The following UBR3 variants were observed in gnomAD, a reference collection of about 807,000 sequenced individuals.
UBR3 encodes ubiquitin protein ligase E3 component n-recognin 3, also known as E3 ubiquitin-protein ligase UBR3.
A neutral mutation model predicts 243.2 loss-of-function variants in UBR3; 85 were observed. The observed-to-expected ratio is 0.35, with a 90% CI of 0.29 to 0.42. The LOEUF (loss-of-function observed/expected upper bound fraction) is 0.42. UBR3 is among the 10% of genes least tolerant of loss of function. The pLI, the probability that UBR3 is intolerant of heterozygous loss-of-function variation, is 1.00. For missense variants in UBR3, 1,686 were observed against 2,300.8 expected (o/e 0.73, Z 5.47); for synonymous variants, 748 against 799.8 (o/e 0.94, Z 1.09).
Position 169,912,882 on chromosome 2 carries a change from G to A in UBR3, c.1780-1178G>A, listed in dbSNP as rs571482962. On this transcript the variant is annotated intron_variant, in intron 10 of 38. Transcript: ENST00000272793. ...TGCATCCTTAAAATCCTGGGCTCAA[G>A]CAGCCCTTCCACCTCAGCCTCCCTC... Among the ~76,000 whole-genome samples, 3 of 152,066 alleles carry A rather than the reference G, an allele frequency of 2.0e-5. No homozygotes were observed. The East Asian group carries it at 5.8e-4, about 29-fold the overall frequency.
At chr2:169,841,440 G>A (rs1338838880) in intron 1 of UBR3, among the ~76,000 whole-genome samples, 5 of 152,178 alleles carry the variant, frequency 3.3e-5, no homozygotes, top group Non-Finnish European at 7.4e-5. Flanking sequence ...GGCATTTGAG[G>A]AGCCCTTTAG....
chr2:169,891,324 C>A, intron 6 of UBR3, 93 bp downstream of exon 6: 1 of 902,260 alleles, frequency 1.1e-6, no homozygotes. Flanking sequence ...GCCATACTGA[C>A]ATCAAAGCTG....
chr2:170,048,953 T>C (rs930792302), intron 32 of UBR3, among the ~76,000 whole-genome samples: 1 of 152,220 alleles, frequency 6.6e-6, no homozygotes, highest in Non-Finnish European at 1.5e-5. Flanking sequence ...AATTGTTCTA[T>C]ATTATTGTTA....
chr2:169,852,681 A>G (rs1336574456), intron 1 of UBR3, among the ~76,000 whole-genome samples: 9 of 143,674 alleles, frequency 6.3e-5, no homozygotes, highest in African/African-American at 2.3e-4. Context: ...TGTCTCTACT[A>G]AAAATACAAA....
chr2:169,890,553 A>ATATATATGTGTG (rs2084309274), intron 5 of UBR3, among the ~76,000 whole-genome samples: 1 of 96,418 alleles, frequency 1.0e-5, no homozygotes, highest in African/African-American at 5.3e-5. Flanking sequence ...ATATATATAT[A>ATATATATGTGTG]TATATATATA....
At chr2:170,020,582 C>A (rs915208887) in intron 30 of UBR3, among the ~76,000 whole-genome samples, 3 of 152,178 alleles carry the variant, frequency 2.0e-5, no homozygotes, top group South Asian at 2.1e-4. Context: ...TTAACTGTTA[C>A]ATGCAAAGCT....
Position 170,072,382 on chromosome 2 carries a change from G to T in UBR3, c.5020-1046G>T, listed in dbSNP as rs1028423059. On this transcript the variant is annotated intron_variant, in intron 35 of 38. Transcript: ENST00000272793. Reference sequence around the variant, plus strand: ...GTGGGAATTGAACAATGAGAACACAGGGACACAGGAAGGGGAACATCACAC... The same window carrying T: ...GTGGGAATTGAACAATGAGAACACATGGACACAGGAAGGGGAACATCACAC... 4.6e-5 allele frequency among the ~76,000 whole-genome samples: 7 copies of T among 151,306 alleles called. No individual in the cohort carries two copies. The South Asian group carries it at 8.4e-4, about 18-fold the overall frequency.
Position 170,006,879 on chromosome 2 carries a change from T to C in UBR3, c.4030-111T>C, listed in dbSNP as rs544405734. The C allele has an allele frequency of 5.8e-6, 5 of 864,590 alleles. No homozygotes were observed. The South Asian group carries it at 8.9e-5, about 15-fold the overall frequency. The allele number at this position is 864,590 out of a possible 1,614,324, so 53.6% of individuals were successfully genotyped here. On this transcript the variant is annotated intron_variant, in intron 27 of 38. Transcript: ENST00000272793. ...TTGTTTATTTCTTTATGACATATAT[T>C]AGAGATGTCTTTTTTCTATGGTTTA...
At chr2:169,974,479 A>T (rs571636776) in intron 24 of UBR3, among the ~76,000 whole-genome samples, 1 of 151,970 alleles carries the variant, frequency 6.6e-6, no homozygotes, top group South Asian at 2.1e-4. Context: ...GTCTCTAATG[A>T]CCCTTTGTAT....
chr2:169,900,785 A>G (rs1357896773), intron 8 of UBR3, among the ~76,000 whole-genome samples: 1 of 150,576 alleles, frequency 6.6e-6, no homozygotes, highest in Non-Finnish European at 1.5e-5. Context: ...CACTTTTTAT[A>G]TTCGTATCCT....
chr2:169,850,858 G>A (rs562890718), intron 1 of UBR3, among the ~76,000 whole-genome samples: 25 of 151,508 alleles, frequency 1.7e-4, no homozygotes, highest in African/African-American at 6.1e-4. Context: ...AAAAAAAAAA[G>A]TTGAATTTTA....
At chr2:170,056,878 C>A (rs980364824) in intron 33 of UBR3, among the ~76,000 whole-genome samples, 1 of 152,120 alleles carries the variant, frequency 6.6e-6, no homozygotes, top group African/African-American at 2.4e-5. Context: ...AGTACAAGGC[C>A]AATCTCCTGC....
chr2:169,830,515 C>T (rs1042530685), intron 1 of UBR3, among the ~76,000 whole-genome samples: 10 of 152,096 alleles, frequency 6.6e-5, no homozygotes, highest in Non-Finnish European at 1.3e-4. Flanking sequence ...AGTTAAAAAC[C>T]TTGCTCAAGT....
intron 1 of UBR3, among the ~76,000 whole-genome samples, chr2:169,837,885 T>C (rs762670647): frequency 4.6e-5 from 7 of 152,244 alleles, no homozygotes; most frequent in African/African-American, 7.2e-5. Flanking sequence ...TTTTCCTCCA[T>C]TGATCTATAA....
At chr2:169,940,467 G>A (rs1205583915) in intron 19 of UBR3, among the ~76,000 whole-genome samples, 1 of 152,156 alleles carries the variant, frequency 6.6e-6, no homozygotes, top group Non-Finnish European at 1.5e-5. Context: ...ACAAGTGAAT[G>A]TGGTTCATGT....
intron 23 of UBR3, among the ~76,000 whole-genome samples, chr2:169,956,209 TC>T (rs1227547576): frequency 6.7e-6 from 1 of 149,392 alleles, no homozygotes; most frequent in Non-Finnish European, 1.5e-5. Context: ...TATAACTCTC[TC>T]TCTCTCTCTC....
At chr2:169,997,821 GGTCTCA>G (rs2089553034) in intron 26 of UBR3, among the ~76,000 whole-genome samples, 3 of 152,104 alleles carry the variant, frequency 2.0e-5, no homozygotes, top group Non-Finnish European at 4.4e-5. Context: ...TGGTTTTCAT[GGTCTCA>G]GAATGGGGGA....
chr2:169,874,234 T>C (rs961364182), intron 2 of UBR3, among the ~76,000 whole-genome samples: 2 of 151,902 alleles, frequency 1.3e-5, no homozygotes, highest in Non-Finnish European at 2.9e-5. Flanking sequence ...AGTGGTGCGA[T>C]GTCAGCTCAC....
At chr2:169,874,411 C>T (rs570543248) in intron 2 of UBR3, among the ~76,000 whole-genome samples, 4 of 152,244 alleles carry the variant, frequency 2.6e-5, no homozygotes, top group Non-Finnish European at 4.4e-5. Context: ...CTCAGATGAT[C>T]CACCGCCTTG....
Sources: gnomAD v4.1 joint callset for allele counts (sites outside exome capture counted in the v4.1 genomes callset) on GRCh38, gnomAD v4.1.1 for gene constraint, MANE v1.5 for transcripts, NCBI Gene and HGNC (gene_info 2026-07-23, HGNC 2026-07-21) for gene names.